The following SEM1 variants were observed in gnomAD, a reference collection of about 807,000 sequenced individuals.
The protein encoded by SEM1 is SEM1 26S proteasome subunit, also known as 26S proteasome complex subunit SEM1.
A neutral mutation model predicts 12.7 loss-of-function variants in SEM1; 3 were observed. The ratio of observed to expected loss-of-function variants is 0.24; its 90% CI spans 0.11 to 0.61. The LOEUF (loss-of-function observed/expected upper bound fraction) is 0.61. Among genes scored for constraint, SEM1 ranks in the 20% least tolerant of loss-of-function variants. The pLI is 0.88. For missense variants in SEM1, 59 were observed against 81.3 expected (o/e 0.73, Z 1.06); for synonymous variants, 30 against 27.8 (o/e 1.08, Z -0.25).
intron 2 of SEM1, among the ~76,000 whole-genome samples, chr7:96,513,839 A>G (rs1268880550): frequency 6.6e-6 from 1 of 152,092 alleles, no homozygotes; most frequent in Non-Finnish European, 1.5e-5. Flanking sequence ...AAAAATAAAA[A>G]AATTCGTTAT....
intron 2 of SEM1, among the ~76,000 whole-genome samples, chr7:96,658,865 A>G (rs1809272561): frequency 1.3e-5 from 2 of 152,182 alleles, no homozygotes; most frequent in Non-Finnish European, 2.9e-5. Flanking sequence ...ACAGGAAACT[A>G]AAACCCAACC....
rs182760241 is a variant in SEM1, at chr7:96,488,724, A to G, written c.13-2307T>C. On this transcript the variant is annotated intron_variant, in intron 1 of 3. Coordinates refer to the SEM1 transcript ENST00000356686. ...GTGGATTTTACCAACGCTTTTCATC[A>G]AGGGGGACAATTTCCAGTTACCCCA... Among the ~76,000 whole-genome samples the G allele has an allele frequency of 5.9e-5, 9 of 152,212 alleles. No individual in the cohort carries two copies. The East Asian group carries it at 1.7e-3, about 29-fold the overall frequency.
At chr7:96,607,156 C>T (rs1807405056) in intron 2 of SEM1, among the ~76,000 whole-genome samples, 1 of 152,186 alleles carries the variant, frequency 6.6e-6, no homozygotes, top group African/African-American at 2.4e-5. Flanking sequence ...CTGAGGATAC[C>T]TTGGTGAAAC....
chr7:96,665,097 T>C (rs1789134539), intron 2 of SEM1, among the ~76,000 whole-genome samples: 4 of 152,098 alleles, frequency 2.6e-5, no homozygotes. Context: ...AGGGCTCCCA[T>C]AGGCACTGGT....
intron 2 of SEM1, among the ~76,000 whole-genome samples, chr7:96,522,344 T>C (rs1804302791): frequency 6.6e-6 from 1 of 152,146 alleles, no homozygotes; most frequent in South Asian, 2.1e-4. Flanking sequence ...CTTATGTAGA[T>C]GAATGTTAGC....
intron 2 of SEM1, among the ~76,000 whole-genome samples, chr7:96,602,904 G>T (rs73708368): frequency 1.3e-5 from 2 of 152,128 alleles, no homozygotes; most frequent in African/African-American, 4.8e-5. Context: ...TACAGCCAGA[G>T]AGAAGGCAAA....
intron 2 of SEM1, among the ~76,000 whole-genome samples, chr7:96,587,597 G>A (rs1416350274): frequency 6.6e-6 from 1 of 151,868 alleles, no homozygotes; most frequent in Non-Finnish European, 1.5e-5. Flanking sequence ...TTCTCACAGG[G>A]CATCTTGAAC....
chr7:96,527,546 T>C (rs974759413), intron 2 of SEM1, among the ~76,000 whole-genome samples: 6 of 152,098 alleles, frequency 3.9e-5, no homozygotes, highest in Admixed American at 6.6e-5. Flanking sequence ...AAAATAAACT[T>C]CTCAGAATCA....
chr7:96,554,941 C>G (rs1433170955), intron 2 of SEM1, among the ~76,000 whole-genome samples: 2 of 127,000 alleles, frequency 1.6e-5, no homozygotes, highest in African/African-American at 2.6e-5. Context: ...TGCATGTGTC[C>G]AGAAATTTAT....
At chr7:96,530,227 G>A (rs992134792) in intron 2 of SEM1, among the ~76,000 whole-genome samples, 1 of 152,094 alleles carries the variant, frequency 6.6e-6, no homozygotes, top group East Asian at 1.9e-4. Flanking sequence ...ACAGCTGGTG[G>A]TGGCAGGGAA....
chr7:96,567,937 C>T (rs1805896922), intron 2 of SEM1, among the ~76,000 whole-genome samples: 1 of 150,754 alleles, frequency 6.6e-6, no homozygotes, highest in African/African-American at 2.5e-5. Flanking sequence ...CACATGCACA[C>T]ACATACACAC....
intron 2 of SEM1, among the ~76,000 whole-genome samples, chr7:96,678,088 ATCCTT>A (rs1347584535): frequency 6.6e-6 from 1 of 152,298 alleles, no homozygotes; most frequent in East Asian, 1.9e-4. Flanking sequence ...ATTTGTTCTC[ATCCTT>A]TCTTTATGCC....
chr7:96,562,568 T>C (rs1584765609), intron 2 of SEM1, among the ~76,000 whole-genome samples: 1 of 152,302 alleles, frequency 6.6e-6, no homozygotes, highest in East Asian at 1.9e-4. Context: ...GATTGGATGG[T>C]CAATGGAAAC....
At chr7:96,573,152 C>T (rs1477235024) in intron 2 of SEM1, among the ~76,000 whole-genome samples, 3 of 147,902 alleles carry the variant, frequency 2.0e-5, no homozygotes, top group African/African-American at 7.5e-5. Context: ...AAATATTCCT[C>T]TGTCCCTTTA....
chr7:96,663,308 T>G (rs1789070232), intron 2 of SEM1, among the ~76,000 whole-genome samples: 1 of 151,958 alleles, frequency 6.6e-6, no homozygotes, highest in African/African-American at 2.4e-5. Context: ...AAAGAGGAGG[T>G]AAGAGAGGAG....
chr7:96,556,550 C>T (rs901129344), intron 2 of SEM1, among the ~76,000 whole-genome samples: 18 of 152,046 alleles, frequency 1.2e-4, no homozygotes, highest in African/African-American at 2.9e-4. Context: ...GGGTTTCTGC[C>T]GAGAAATCCG....
At chr7:96,572,737 G>A (rs1386620614) in intron 2 of SEM1, among the ~76,000 whole-genome samples, 3 of 152,172 alleles carry the variant, frequency 2.0e-5, no homozygotes, top group Non-Finnish European at 4.4e-5. Flanking sequence ...GCCACGTGGT[G>A]CTGAGAAGAA....
chr7:96,632,661 C>A (rs1230117714), intron 2 of SEM1, among the ~76,000 whole-genome samples: 2 of 151,878 alleles, frequency 1.3e-5, no homozygotes, highest in Non-Finnish European at 2.9e-5. Flanking sequence ...ATGTAACGAA[C>A]CTGCACATTC....
intron 2 of SEM1, among the ~76,000 whole-genome samples, chr7:96,580,368 A>G (rs1265737798): frequency 1.3e-5 from 2 of 150,000 alleles, no homozygotes; most frequent in Admixed American, 6.8e-5. Context: ...CCAGTCTATC[A>G]TTGTTGGACA....
Sources: gnomAD v4.1 joint callset for allele counts (sites outside exome capture counted in the v4.1 genomes callset) on GRCh38, gnomAD v4.1.1 for gene constraint, MANE v1.5 for transcripts, NCBI Gene and HGNC (gene_info 2026-07-23, HGNC 2026-07-21) for gene names.